Variants in RNGTT observed in about 807,000 individuals in gnomAD.
RNGTT encodes the protein mRNA-capping enzyme.
Under a neutral mutation model 79.3 loss-of-function variants are expected in RNGTT, and 33 were observed. The observed-to-expected ratio is 0.42, with a 90% CI of 0.32 to 0.56. RNGTT has a LOEUF of 0.56. Among genes scored for constraint, RNGTT ranks in the 20% least tolerant of loss-of-function variants. The pLI is 0.17. For synonymous variants in RNGTT, 222 were observed against 235.9 expected, an observed-to-expected ratio of 0.94 and a Z score of 0.54; for missense variants, 497 against 739.1, an observed-to-expected ratio of 0.67 and a Z score of 3.80.
chr6:88,733,124 C>T (rs1777167832), intron 13 of RNGTT, among the ~76,000 whole-genome samples: 1 of 152,140 alleles, frequency 6.6e-6, no homozygotes, highest in African/African-American at 2.4e-5. Context: ...TTTGGAAGGC[C>T]AAGCTGGGTG....
At chr6:88,630,009 T>C (rs1237727352) in intron 14 of RNGTT, among the ~76,000 whole-genome samples, 23 of 152,242 alleles carry the variant, frequency 1.5e-4, no homozygotes, top group Non-Finnish European at 2.9e-5. Flanking sequence ...CCCCTACCAA[T>C]GCCATGCTGT....
intron 8 of RNGTT, among the ~76,000 whole-genome samples, chr6:88,855,747 C>T (rs536056995): frequency 6.6e-6 from 1 of 152,186 alleles, no homozygotes; most frequent in South Asian, 2.1e-4. Flanking sequence ...GACTCCTAGA[C>T]CAAATGCCAG....
chr6:88,944,734 C>A (rs1250019301), intron 1 of RNGTT, among the ~76,000 whole-genome samples: 1 of 152,164 alleles, frequency 6.6e-6, no homozygotes, highest in African/African-American at 2.4e-5. Context: ...ACCTCCAATT[C>A]ATTTATGTAT....
intron 12 of RNGTT, among the ~76,000 whole-genome samples, chr6:88,788,972 A>G (rs1236465342): frequency 6.6e-6 from 1 of 152,220 alleles, no homozygotes; most frequent in Non-Finnish European, 1.5e-5. Flanking sequence ...AATGTGTTAC[A>G]TGGTTATGTC....
intron 13 of RNGTT, among the ~76,000 whole-genome samples, chr6:88,689,476 C>A (rs1433041043): frequency 6.6e-6 from 1 of 151,740 alleles, no homozygotes; most frequent in Non-Finnish European, 1.5e-5. Context: ...TGCCTGTAAT[C>A]CCAGTTACTC....
intron 13 of RNGTT, among the ~76,000 whole-genome samples, chr6:88,712,821 C>T (rs1776364187): frequency 6.6e-6 from 1 of 152,002 alleles, no homozygotes; most frequent in African/African-American, 2.4e-5. Flanking sequence ...AAAAGAGAAT[C>T]TCAGGAATAG....
At chr6:88,875,533 C>G (rs1020421888) in intron 8 of RNGTT, among the ~76,000 whole-genome samples, 1 of 152,000 alleles carries the variant, frequency 6.6e-6, no homozygotes, top group African/African-American at 2.4e-5. Flanking sequence ...CATGACCTGG[C>G]AAAAAGGATT....
chr6:88,623,918 T>C (rs1772531285), intron 14 of RNGTT, among the ~76,000 whole-genome samples: 1 of 151,966 alleles, frequency 6.6e-6, no homozygotes, highest in South Asian at 2.1e-4. Flanking sequence ...ACTATAAGAA[T>C]ACTAAAACCA....
chr6:88,950,991 T>G (rs189326080), intron 1 of RNGTT, among the ~76,000 whole-genome samples: 3,084 of 152,032 alleles, frequency 0.02, 107 homozygotes, highest in African/African-American at 0.069. Flanking sequence ...CATGAGTAGC[T>G]GGGTTTACAG....
At chr6:88,923,677 T>G (rs1395908379) in intron 4 of RNGTT, among the ~76,000 whole-genome samples, 2 of 152,108 alleles carry the variant, frequency 1.3e-5, no homozygotes, top group African/African-American at 4.8e-5. Context: ...ACAAGGCCAC[T>G]TTTACCCACC....
At chr6:88,946,799 C>T (rs1002968108) in intron 1 of RNGTT, among the ~76,000 whole-genome samples, 14 of 145,126 alleles carry the variant, frequency 9.6e-5, no homozygotes, top group African/African-American at 3.6e-4. Context: ...CGATTGCAGG[C>T]ACGCGCCGCC....
intron 13 of RNGTT, among the ~76,000 whole-genome samples, chr6:88,754,213 A>T (rs1266616063): frequency 6.6e-6 from 1 of 152,166 alleles, no homozygotes; most frequent in East Asian, 1.9e-4. Context: ...GAGGTATGAA[A>T]TTCGAGGGCT....
At chr6:88,733,410 A>G (rs1200541938) in intron 13 of RNGTT, among the ~76,000 whole-genome samples, 1 of 151,074 alleles carries the variant, frequency 6.6e-6, no homozygotes, top group East Asian at 2.0e-4. Flanking sequence ...CCCAAATGCA[A>G]AGAGCAAAAA....
intron 12 of RNGTT, among the ~76,000 whole-genome samples, chr6:88,781,220 T>C (rs1004367720): frequency 1.3e-5 from 2 of 152,036 alleles, no homozygotes; most frequent in Non-Finnish European, 2.9e-5. Flanking sequence ...TCTATCTCAT[T>C]TGTAAAAATG....
At chr6:88,798,585 C>T (rs796973890) in intron 12 of RNGTT, among the ~76,000 whole-genome samples, 30 of 152,172 alleles carry the variant, frequency 2.0e-4, no homozygotes, top group African/African-American at 7.2e-4. Flanking sequence ...GATCAAGTAG[C>T]ATTTATCCCA....
At chr6:88,954,111 A>C (rs60276037) in intron 1 of RNGTT, among the ~76,000 whole-genome samples, 18,185 of 152,268 alleles carry the variant, frequency 0.12, 1,207 homozygotes, top group Middle Eastern at 0.21. Flanking sequence ...AGCATTATGA[A>C]TAGAACAGTA....
intron 2 of RNGTT, among the ~76,000 whole-genome samples, chr6:88,937,427 T>C (rs1417803172): frequency 6.6e-6 from 1 of 152,210 alleles, no homozygotes; most frequent in African/African-American, 2.4e-5. Context: ...TCTGATTTAG[T>C]TTACTTGGGT....
intron 13 of RNGTT, among the ~76,000 whole-genome samples, chr6:88,754,554 T>A (rs1042632439): frequency 6.6e-6 from 1 of 152,118 alleles, no homozygotes; most frequent in African/African-American, 2.4e-5. Context: ...AAAATGGGAA[T>A]AAAGTAACTT....
At chr6:88,909,010 T>A (rs555375671) in intron 4 of RNGTT, among the ~76,000 whole-genome samples, 72 of 152,118 alleles carry the variant, frequency 4.7e-4, no homozygotes, top group Non-Finnish European at 9.3e-4. Context: ...CCCAGGGGTA[T>A]TGAGTTAAGC....
Sources: allele counts gnomAD v4.1 joint callset (sites outside exome capture counted in the v4.1 genomes callset), GRCh38; gene constraint gnomAD v4.1.1; transcripts MANE v1.5; gene names NCBI Gene and HGNC (gene_info 2026-07-23, HGNC 2026-07-21).